The following C5 variants were observed in gnomAD, a reference collection of about 807,000 sequenced individuals.
The protein encoded by C5 is complement C5.
Under a neutral mutation model 218.8 loss-of-function variants are expected in C5, and 140 were observed. The observed-to-expected ratio is 0.64, with a 90% CI of 0.56 to 0.74. The LOEUF is 0.74. Ranked by LOEUF, C5 falls within the 30% of genes least tolerant of loss-of-function variation. C5 has a pLI of 0.00. For missense variants in C5, 1,700 were observed against 1,969.6 expected (o/e 0.86, Z 2.59); for synonymous variants, 614 against 682.3 (o/e 0.90, Z 1.56).
intron 20 of C5, among the ~76,000 whole-genome samples, chr9:121,002,213 TAC>T (rs1438155815): frequency 1.3e-4 from 6 of 45,544 alleles, no homozygotes; most frequent in African/African-American, 1.8e-4. Flanking sequence ...TATGTATATA[TAC>T]GTATATATAT....
At chr9:121,031,866 C>T (rs1348302404) in intron 6 of C5, among the ~76,000 whole-genome samples, 2 of 152,076 alleles carry the variant, frequency 1.3e-5, no homozygotes, top group African/African-American at 4.8e-5. Flanking sequence ...GAGTTCAAGA[C>T]CAGCCTGGCC....
In C5 at chr9:121,021,624, T is replaced by C. The variant is rs767401462; in HGVS notation, c.1187A>G (p.Asp396Gly). ...CAAGTCAGATGTCTCTTGGTTTACA[T>C]CAATTGTTTGTGCATTCAGTGTTAC... ...VPVTLNAQTI[D>G]VNQETSDLDP... The change falls in exon 11 of 41, where the codon GAT (aspartate) becomes GGT (glycine). Residue 396 changes from aspartate to glycine, a missense_variant. Asp to Gly is a moderately conservative substitution (Grantham distance 94, BLOSUM62 -1). Transcript: ENST00000223642. 1.7e-5 allele frequency: 27 copies of C among 1,613,908 alleles called. No individual in the cohort carries two copies. The highest frequency in any genetic ancestry group is 2.3e-5 in the Non-Finnish European group (27 of 1,179,818).
intron 22 of C5, among the ~76,000 whole-genome samples, chr9:120,992,581 T>G (rs1442627447): frequency 2.6e-5 from 4 of 152,224 alleles, no homozygotes; most frequent in African/African-American, 9.6e-5. Flanking sequence ...AAACCTGCTC[T>G]TGACTATTTC....
chr9:120,957,050 C>G, intron 39 of C5: 1 of 421,946 alleles, frequency 2.4e-6, no homozygotes, highest in Non-Finnish European at 4.5e-6. Context: ...AGAAATTGGA[C>G]AATTACGCAA....
upstream of C5, among the ~76,000 whole-genome samples, chr9:121,054,263 CA>C (rs2047687336): frequency 6.6e-6 from 1 of 152,176 alleles, no homozygotes; most frequent in Non-Finnish European, 1.5e-5. Context: ...CAAGGAATCA[CA>C]CCCTACAAAC....
intron 39 of C5, among the ~76,000 whole-genome samples, chr9:120,956,634 C>T (rs1049905672): frequency 2.0e-5 from 3 of 151,922 alleles, no homozygotes; most frequent in African/African-American, 7.3e-5. Flanking sequence ...AGCTAGATGC[C>T]TCCTACTACC....
chr9:121,018,714 AAAG>A (rs2047334211), intron 12 of C5, among the ~76,000 whole-genome samples: 2 of 145,710 alleles, frequency 1.4e-5, no homozygotes, highest in Admixed American at 1.4e-4. Context: ...GAAAGAAAAG[AAAG>A]AAAGAAAGAA....
intron 33 of C5, among the ~76,000 whole-genome samples, chr9:120,967,541 G>C (rs1036705239): frequency 1.3e-5 from 2 of 152,040 alleles, no homozygotes; most frequent in African/African-American, 4.8e-5. Context: ...AGATATCACT[G>C]TTATTGACAA....
chr9:120,971,557 G>C (rs1340194177), intron 31 of C5, among the ~76,000 whole-genome samples: 1 of 152,080 alleles, frequency 6.6e-6, no homozygotes, highest in Non-Finnish European at 1.5e-5. Flanking sequence ...TCCTGCCTCA[G>C]CCTCTGAGTA....
intron 17 of C5, 90 bp from the exon 18 acceptor site, chr9:121,008,588 T>A: frequency 1.1e-6 from 1 of 939,350 alleles, no homozygotes; most frequent in Non-Finnish European, 1.7e-6. Flanking sequence ...ATCTGTAACT[T>A]AAGCATTTTC....
intron 2 of C5, 146 bp from the exon 3 acceptor site, chr9:121,043,312 A>G (rs568984536): frequency 1.4e-6 from 1 of 723,900 alleles, no homozygotes; most frequent in African/African-American, 1.8e-5. Context: ...AGAAGAGTAA[A>G]TAAATTTTGC....
At chr9:121,056,868 T>C in the C5 span, among the ~76,000 whole-genome samples, 1 of 152,024 alleles carries the variant, frequency 6.6e-6, no homozygotes, top group African/African-American at 2.4e-5. Context: ...GATATGAATA[T>C]CTAGGTACAA....
intron 30 of C5, among the ~76,000 whole-genome samples, chr9:120,972,510 G>A (rs1171840261): frequency 6.6e-6 from 1 of 152,046 alleles, no homozygotes; most frequent in South Asian, 2.1e-4. Context: ...ACTTGTCACC[G>A]CCTTTGTTTG....
intron 34 of C5, among the ~76,000 whole-genome samples, chr9:120,963,330 C>T (rs972595994): frequency 6.6e-6 from 1 of 151,870 alleles, no homozygotes. Context: ...CATGGAGAAA[C>T]CTCGTCTCTA....
chr9:121,020,606 A>G (rs1016654598), intron 11 of C5, among the ~76,000 whole-genome samples: 1 of 152,190 alleles, frequency 6.6e-6, no homozygotes. Context: ...AACATCTCAG[A>G]GACTATCTGG....
chr9:120,997,797 T>C, intron 20 of C5, 23 bp from the exon 21 acceptor site: 1 of 1,588,332 alleles, frequency 6.3e-7, no homozygotes, highest in South Asian at 1.1e-5. Flanking sequence ...TGAAGAATTA[T>C]ATCAAAATAC....
At chr9:121,068,318 T>C in the C5 span, among the ~76,000 whole-genome samples, 1 of 152,084 alleles carries the variant, frequency 6.6e-6, no homozygotes, top group South Asian at 2.1e-4. Flanking sequence ...CAAAAATCAG[T>C]AGTGTTTCTA....
the C5 span, among the ~76,000 whole-genome samples, chr9:121,059,504 T>G: frequency 6.6e-6 from 1 of 152,212 alleles, no homozygotes; most frequent in Admixed American, 6.5e-5. This position sits in a 1 kb window ranked among gnomAD's most constrained non-coding sequence, Gnocchi z 4.1. Context: ...TGCTTTTTGT[T>G]CAGCATAAGT....
chr9:120,998,953 A>G (rs1462266999), intron 20 of C5, among the ~76,000 whole-genome samples: 1 of 152,210 alleles, frequency 6.6e-6, no homozygotes, highest in Non-Finnish European at 1.5e-5. Context: ...CTTCTTAACT[A>G]TCTTCTTGGG....
Sources: allele counts gnomAD v4.1 joint callset (sites outside exome capture counted in the v4.1 genomes callset), GRCh38; gene constraint gnomAD v4.1.1; non-coding constraint Gnocchi (gnomAD v3.1); transcripts MANE v1.5; gene names NCBI Gene and HGNC (gene_info 2026-07-23, HGNC 2026-07-21).